ATP9B: variants seen among roughly 807,000 people sequenced by gnomAD.
ATP9B encodes probable phospholipid-transporting ATPase IIB.
Under a neutral mutation model 146.1 loss-of-function variants are expected in ATP9B, and 110 were observed. The observed-to-expected ratio is 0.75, with a 90% CI of 0.65 to 0.88. The LOEUF is 0.88. Among genes scored for constraint, ATP9B ranks in the 40% least tolerant of loss-of-function variants. The pLI is 0.00. For synonymous variants in ATP9B, 604 were observed against 569.7 expected, an observed-to-expected ratio of 1.06 and a Z score of -0.86; for missense variants, 1,499 against 1,496.4, an observed-to-expected ratio of 1.00 and a Z score of -0.03.
chr18:79,230,711 GA>G (rs922662148), intron 11 of ATP9B, among the ~76,000 whole-genome samples: 24 of 148,046 alleles, frequency 1.6e-4, no homozygotes, highest in South Asian at 4.3e-4. Flanking sequence ...CACAGAACTA[GA>G]AAAAAAAAAT....
intron 1 of ATP9B, among the ~76,000 whole-genome samples, chr18:79,078,630 A>G (rs992628508): frequency 1.3e-5 from 2 of 149,412 alleles, no homozygotes; most frequent in African/African-American, 4.9e-5. Context: ...GTTTACATAC[A>G]TACAAGTTAC....
intron 9 of ATP9B, among the ~76,000 whole-genome samples, chr18:79,201,742 G>C (rs773708179): frequency 3.4e-4 from 51 of 151,816 alleles, no homozygotes; most frequent in Admixed American, 9.2e-4. Context: ...GCTAATTTTT[G>C]TATTTTTAGT....
intron 10 of ATP9B, among the ~76,000 whole-genome samples, chr18:79,211,287 A>G (rs368053897): frequency 4.6e-5 from 7 of 152,214 alleles, no homozygotes; most frequent in Non-Finnish European, 1.0e-4. Context: ...ACTGTAGTCA[A>G]TTAGAAGGTG....
At chr18:79,297,296 A>T (rs2096558812) in intron 13 of ATP9B, among the ~76,000 whole-genome samples, 1 of 151,250 alleles carries the variant, frequency 6.6e-6, no homozygotes, top group African/African-American at 2.4e-5. Flanking sequence ...GGAGACACAG[A>T]CGACCCAGAG....
rs1807432864 is a variant in ATP9B, at chr18:79,303,710, C to T, written c.1518C>T (p.Tyr506=). 1.9e-6 allele frequency: 3 copies of T among 1,613,514 alleles called. No individual in the cohort carries two copies. Among genetic ancestry groups the T allele is most frequent in the Non-Finnish European group, 2.5e-6 (3 of 1,179,624 alleles). The part of the protein sequence containing the change: ...DEIQSHVRDS[Y]SQMQSQAGGN... ...TCCAGAGCCATGTCAGGGACTCCTA[C>T]TCACAGGTAAGTGGGTTCCTCCTGC... The change falls in exon 14 of 30, where the codon TAC becomes TAT. Residue 506 remains tyrosine, a synonymous_variant. Coordinates refer to ENST00000426216, the MANE Select transcript of ATP9B (RefSeq NM_198531.5).
At chr18:79,154,616 A>G in intron 7 of ATP9B, 61 bp downstream of exon 7, 1 of 1,133,244 alleles carries the variant, frequency 8.8e-7, no homozygotes, top group Non-Finnish European at 1.2e-6. Context: ...AAATTTACAA[A>G]TATCTATACA....
intron 14 of ATP9B, among the ~76,000 whole-genome samples, chr18:79,306,260 A>C (rs1421084068): frequency 6.6e-6 from 1 of 152,148 alleles, no homozygotes; most frequent in Non-Finnish European, 1.5e-5. Context: ...GGTTGGGGGG[A>C]GTGTCCTCTG....
intron 20 of ATP9B, 26 bp from the exon 21 acceptor site, chr18:79,344,239 G>C: frequency 6.3e-7 from 1 of 1,597,202 alleles, no homozygotes; most frequent in Non-Finnish European, 8.6e-7. Flanking sequence ...ATTTTAATTT[G>C]GGATTCTTTT....
chr18:79,280,985 C>T (rs936164757), intron 13 of ATP9B, among the ~76,000 whole-genome samples: 3 of 152,088 alleles, frequency 2.0e-5, no homozygotes, highest in African/African-American at 7.2e-5. Flanking sequence ...TTTATAGGAA[C>T]TTTCCTTCAT....
intron 12 of ATP9B, among the ~76,000 whole-genome samples, chr18:79,257,026 G>A (rs548231934): frequency 2.0e-5 from 3 of 152,296 alleles, no homozygotes; most frequent in African/African-American, 4.8e-5. Flanking sequence ...TTGGCCGGGC[G>A]CAGGGGCTCA....
intron 11 of ATP9B, among the ~76,000 whole-genome samples, chr18:79,236,769 G>A (rs111414921): frequency 7.8e-5 from 11 of 141,220 alleles, no homozygotes; most frequent in Admixed American, 2.1e-4. Context: ...CCGTGCACGA[G>A]TCAGTGTCCA....
At chr18:79,252,343 A>G (rs1292593756) in intron 11 of ATP9B, among the ~76,000 whole-genome samples, 1 of 152,214 alleles carries the variant, frequency 6.6e-6, no homozygotes, top group Non-Finnish European at 1.5e-5. Context: ...GCCAGCATCT[A>G]AATTAGCCTA....
At chr18:79,120,299 T>TAAAA (rs2094166142) in intron 4 of ATP9B, among the ~76,000 whole-genome samples, 1 of 152,224 alleles carries the variant, frequency 6.6e-6, no homozygotes, top group Non-Finnish European at 1.5e-5. Flanking sequence ...CTCTGAGGCA[T>TAAAA]AAAACCATTT....
chr18:79,219,693 C>G (rs1235379984), intron 11 of ATP9B, among the ~76,000 whole-genome samples: 1 of 152,108 alleles, frequency 6.6e-6, no homozygotes, highest in Non-Finnish European at 1.5e-5. Context: ...TCCTTCCGTC[C>G]TTTTTTCTCT....
chr18:79,270,598 C>A (rs1046737778), intron 12 of ATP9B, among the ~76,000 whole-genome samples: 1 of 151,966 alleles, frequency 6.6e-6, no homozygotes, highest in Non-Finnish European at 1.5e-5. Context: ...ACCTGCAAAC[C>A]CTAATTTTAT....
intron 17 of ATP9B, 82 bp downstream of exon 17, chr18:79,330,186 G>A (rs773816995): frequency 2.6e-5 from 34 of 1,293,938 alleles, no homozygotes; most frequent in Non-Finnish European, 3.1e-5. Context: ...GGTTCACAGT[G>A]TTTCTATGAA....
intron 4 of ATP9B, among the ~76,000 whole-genome samples, chr18:79,124,708 A>G (rs1473679774): frequency 6.6e-6 from 1 of 152,192 alleles, no homozygotes; most frequent in African/African-American, 2.4e-5. Context: ...GTCTATTCGT[A>G]AGGTTAGGGG....
chr18:79,161,719 G>A (rs748875097), intron 7 of ATP9B, among the ~76,000 whole-genome samples: 4 of 150,140 alleles, frequency 2.7e-5, no homozygotes, highest in Non-Finnish European at 5.9e-5. Flanking sequence ...GGTGGCGGGC[G>A]CCTATAGTCC....
rs1273646720 is a variant in ATP9B, at chr18:79,303,610, T to A, written c.1418T>A (p.Leu473His). 1 of 1,613,710 alleles carries A rather than the reference T, an allele frequency of 6.2e-7. No homozygotes were observed. The highest frequency in any genetic ancestry group is 8.5e-7 in the Non-Finnish European group (1 of 1,179,746). Residue 473 changes from leucine (L) to histidine (H), a missense_variant, in exon 14 of 30, where the codon CTC becomes CAC. Coordinates refer to ENST00000426216, the MANE Select transcript of ATP9B (RefSeq NM_198531.5). The part of the protein sequence containing the change: ...VYLLTDKTGT[L>H]TQNEMIFKRL... ...GTTGTCCCCTTTATCCTAGGAACCCTCACCCAGAATGAAATGATATTTAAG... is the reference window on the plus strand; with the variant it reads ...GTTGTCCCCTTTATCCTAGGAACCCACACCCAGAATGAAATGATATTTAAG...
Sources: allele counts gnomAD v4.1 joint callset (sites outside exome capture counted in the v4.1 genomes callset), GRCh38; gene constraint gnomAD v4.1.1; transcripts MANE v1.5; gene names NCBI Gene and HGNC (gene_info 2026-07-23, HGNC 2026-07-21).